Variants in ZNF626 observed in about 807,000 individuals in gnomAD.
ZNF626 encodes the protein zinc finger protein 626, also known as CTC-513N18.7.
ZNF626 carries 4 observed loss-of-function variants against 11.7 expected under a neutral mutation model. That is an observed-to-expected ratio of 0.34 (90% CI 0.17 to 0.78). The LOEUF is 0.78. Among genes scored for constraint, ZNF626 ranks in the 30% least tolerant of loss-of-function variants. The pLI, the probability that ZNF626 is intolerant of heterozygous loss-of-function variation, is 0.57. For missense variants in ZNF626, 588 were observed against 587.1 expected (o/e 1.00, Z -0.01); for synonymous variants, 179 against 198.6 (o/e 0.90, Z 0.83).
At chr19:20,659,072 TCTC>T (rs1970235736) in intron 1 of ZNF626, among the ~76,000 whole-genome samples, 2 of 152,090 alleles carry the variant, frequency 1.3e-5, no homozygotes, top group African/African-American at 4.8e-5. Context: ...TTAATAAAAT[TCTC>T]CACCTTTTGT....
At chr19:20,630,056 G>A (rs1278505941) in intron 3 of ZNF626, among the ~76,000 whole-genome samples, 1 of 152,120 alleles carries the variant, frequency 6.6e-6, no homozygotes, top group African/African-American at 2.4e-5. Context: ...TTTGTCTTTG[G>A]TTCTGTTTAT....
Position 20,621,779 on chromosome 19 carries a change from T to G in ZNF626, c.*2511A>C, listed in dbSNP as rs1969760747. ...TGATGACATTCCACTACATACCAAA[T>G]AGTATACTTCTTCCATCTTTTGCTT... is the stretch of plus-strand genomic sequence containing the variant. On this transcript the variant is annotated 3_prime_UTR_variant, in exon 4 of 4. Transcript: ENST00000601440. The G allele has an allele frequency of 6.6e-6, 1 of 152,190 alleles. No individual in the cohort carries two copies. The highest frequency in any genetic ancestry group is 6.5e-5 in the Admixed American group (1 of 15,276). The allele number at this position is 152,190 out of a possible 1,614,324, so 9.4% of individuals were successfully genotyped here. A position where few individuals can be genotyped will look rare whatever the true frequency, so the allele number is the denominator to read the frequency against.
chr19:20,622,943 G>A lies in ZNF626; in HGVS notation c.*1347C>T, dbSNP rs993665261. 1.3e-5 allele frequency: 2 copies of A among 151,596 alleles called. No homozygotes were observed. Among genetic ancestry groups the A allele is most frequent in the African/African-American group, 4.8e-5 (2 of 41,248 alleles). The allele number at this position is 151,596 out of a possible 1,614,324, so 9.4% of individuals were successfully genotyped here. ...GTTTCCAAATTCATTACATTTGCAG[G>A]ACCCTTCTCCAATATAAGTTCTCTG... On this transcript the variant is annotated 3_prime_UTR_variant, in exon 4 of 4. Coordinates refer to ENST00000601440, the MANE Select transcript of ZNF626 (RefSeq NM_001076675.3).
At chr19:20,633,098 C>T (rs537836571) in intron 3 of ZNF626, among the ~76,000 whole-genome samples, 3 of 152,250 alleles carry the variant, frequency 2.0e-5, no homozygotes, top group East Asian at 1.9e-4. Context: ...TGCAGAACAG[C>T]GGATTTTGCT....
intron 3 of ZNF626, among the ~76,000 whole-genome samples, chr19:20,632,285 A>G (rs973410161): frequency 5.3e-5 from 8 of 152,104 alleles, no homozygotes; most frequent in African/African-American, 1.9e-4. Context: ...CCTCTTCTCG[A>G]GGAGTATCTT....
intron 3 of ZNF626, among the ~76,000 whole-genome samples, chr19:20,639,500 G>A (rs1970000867): frequency 6.6e-6 from 1 of 152,216 alleles, no homozygotes; most frequent in African/African-American, 2.4e-5. Context: ...CACTTTGGGA[G>A]ATCAAGGTAA....
chr19:20,627,337 T>C (rs1418244156), intron 3 of ZNF626, among the ~76,000 whole-genome samples: 1 of 152,052 alleles, frequency 6.6e-6, no homozygotes, highest in Non-Finnish European at 1.5e-5. Context: ...GAAGAATTTT[T>C]GTATTCAACT....
chr19:20,648,915 G>T (rs552630903), intron 1 of ZNF626, among the ~76,000 whole-genome samples: 29 of 152,170 alleles, frequency 1.9e-4, no homozygotes, highest in Non-Finnish European at 1.6e-4. Flanking sequence ...TAAGGAGAAG[G>T]CTCTGAAATA....
chr19:20,647,587 C>T (rs541425388), intron 1 of ZNF626, among the ~76,000 whole-genome samples: 2 of 147,686 alleles, frequency 1.4e-5, no homozygotes, highest in Admixed American at 7.0e-5. Context: ...CCCAGGTTCA[C>T]GCCATTCTCC....
intron 3 of ZNF626, chr19:20,645,417 T>C (rs782338042): frequency 1.9e-6 from 3 of 1,611,826 alleles, no homozygotes; most frequent in Non-Finnish European, 2.5e-6. Context: ...GAAGAGGACT[T>C]TGGCTCTCAC....
Position 20,646,325 on chromosome 19 carries a change from T to C in ZNF626, c.84A>G (p.Leu28=). The C allele has an allele frequency of 6.2e-7, 1 of 1,614,134 alleles. No homozygotes were observed. Among genetic ancestry groups the C allele is most frequent in the Non-Finnish European group, 8.5e-7 (1 of 1,180,006 alleles). Residue 28 remains leucine, a synonymous_variant, in exon 2 of 4, where the codon TTA becomes TTG. Transcript: ENST00000601440. ...AGTTCTCTAACATCACATTCCTATA[T>C]AAATTCCGCTGTGCAGTGTCCAGGC... is the stretch of plus-strand genomic sequence containing the variant. ...WHCLDTAQRN[L]YRNVMLENYS... is the part of the protein sequence containing the mutation.
intron 3 of ZNF626, among the ~76,000 whole-genome samples, chr19:20,626,571 A>C (rs1207739330): frequency 6.6e-6 from 1 of 151,498 alleles, no homozygotes; most frequent in Non-Finnish European, 1.5e-5. Flanking sequence ...TACAAAAACT[A>C]GCTGGGCATG....
intron 1 of ZNF626, among the ~76,000 whole-genome samples, chr19:20,651,306 A>C (rs767967412): frequency 4.0e-5 from 6 of 151,862 alleles, no homozygotes; most frequent in Non-Finnish European, 8.8e-5. Flanking sequence ...TATTTTGGAC[A>C]TATCTATTTG....
At chr19:20,651,515 C>T (rs1049656895) in intron 1 of ZNF626, among the ~76,000 whole-genome samples, 5 of 152,114 alleles carry the variant, frequency 3.3e-5, no homozygotes, top group African/African-American at 4.8e-5. Flanking sequence ...GAGAAACTCT[C>T]ATCTGGGTAC....
Position 20,623,300 on chromosome 19 carries a change from T to C in ZNF626, c.*990A>G, listed in dbSNP as rs1239080378. On this transcript the variant is annotated 3_prime_UTR_variant, in exon 4 of 4. Coordinates refer to ENST00000601440, the MANE Select transcript of ZNF626 (RefSeq NM_001076675.3). ...GGTTTTGCCACATTCTTCATGCTTGTAGGAATTTTGCCAGTATGAATTATC... is the reference window on the plus strand; with the variant it reads ...GGTTTTGCCACATTCTTCATGCTTGCAGGAATTTTGCCAGTATGAATTATC... 11 of 152,204 alleles carry C rather than the reference T, an allele frequency of 7.2e-5. No individual in the cohort carries two copies. The highest frequency in any genetic ancestry group is 2.4e-4 in the African/African-American group (10 of 41,456). 9.4% of individuals were successfully genotyped at this position (152,204 alleles called of 1,614,324 possible).
At position 20,640,702 on chromosome 19, in the gene ZNF626, T is replaced by C. The variant is rs117755267; in HGVS notation, c.226+4982A>G. 6.5e-3 allele frequency among the ~76,000 whole-genome samples: 984 copies of C among 151,386 alleles called. 4 individuals carry two copies. Among genetic ancestry groups the C allele is most frequent in the South Asian group, 0.019 (89 of 4,794 alleles). On this transcript the variant is annotated intron_variant, in intron 3 of 3. Coordinates refer to ENST00000601440, the MANE Select transcript of ZNF626 (RefSeq NM_001076675.3). ...ACAAACAAAATCACCTCACACACAT[T>C]AGAATGGCCACTATAAATTTTTTTA... is the stretch of plus-strand genomic sequence containing the variant.
chr19:20,644,465 T>A (rs1970053702), intron 3 of ZNF626, among the ~76,000 whole-genome samples: 1 of 152,168 alleles, frequency 6.6e-6, no homozygotes, highest in African/African-American at 2.4e-5. Flanking sequence ...GTGACCAAGC[T>A]ACAACCCCTC....
intron 3 of ZNF626, among the ~76,000 whole-genome samples, chr19:20,626,736 TGGGCGC>T (rs1969838606): frequency 6.6e-6 from 1 of 151,940 alleles, no homozygotes; most frequent in Admixed American, 6.6e-5. Flanking sequence ...TAAAATAGGC[TGGGCGC>T]AATGGCTCAT....
At chr19:20,640,711 C>G (rs534556998) in intron 3 of ZNF626, among the ~76,000 whole-genome samples, 69 of 150,470 alleles carry the variant, frequency 4.6e-4, no homozygotes, top group African/African-American at 1.6e-3. Flanking sequence ...TTAGAATGGC[C>G]ACTATAAATT....
Sources: gnomAD v4.1 joint callset for allele counts (sites outside exome capture counted in the v4.1 genomes callset) on GRCh38, gnomAD v4.1.1 for gene constraint, MANE v1.5 for transcripts, NCBI Gene and HGNC (gene_info 2026-07-23, HGNC 2026-07-21) for gene names.